CNBD1: variants seen among roughly 807,000 people sequenced by gnomAD.
CNBD1 encodes cyclic nucleotide-binding domain-containing protein 1.
Under a neutral mutation model 54.4 loss-of-function variants are expected in CNBD1, and 71 were observed. That is an observed-to-expected ratio of 1.30 (90% confidence interval 1.08 to 1.59). The LOEUF is 1.59. Among genes scored for constraint, CNBD1 ranks in the 40% most tolerant of loss-of-function variants. The pLI, the probability that CNBD1 is intolerant of heterozygous loss-of-function variation, is 0.00. For missense variants in CNBD1, 659 were observed against 518.0 expected (o/e 1.27, Z -2.64); for synonymous variants, 182 against 170.7 (o/e 1.07, Z -0.51).
intron 8 of CNBD1, among the ~76,000 whole-genome samples, chr8:87,336,763 G>C (rs184985886): frequency 1.3e-5 from 2 of 152,278 alleles, no homozygotes; most frequent in East Asian, 1.9e-4. Context: ...TGATCATTTA[G>C]AGAAGAGCCA....
chr8:87,185,671 A>G (rs964174173), intron 4 of CNBD1, among the ~76,000 whole-genome samples: 6 of 152,164 alleles, frequency 3.9e-5, no homozygotes, highest in African/African-American at 1.2e-4. Flanking sequence ...AGCTCCAGAT[A>G]TTGTTCCCTC....
chr8:87,360,627 T>A (rs1289845456), intron 10 of CNBD1, among the ~76,000 whole-genome samples: 2 of 151,982 alleles, frequency 1.3e-5, no homozygotes, highest in Non-Finnish European at 2.9e-5. Flanking sequence ...CATTCCACCA[T>A]TAGAACAAGT....
intron 4 of CNBD1, among the ~76,000 whole-genome samples, chr8:87,193,413 G>T (rs957260773): frequency 2.6e-5 from 4 of 152,098 alleles, no homozygotes; most frequent in Non-Finnish European, 5.9e-5. Flanking sequence ...ACTCATAATT[G>T]CCAGACAGAA....
intron 6 of CNBD1, among the ~76,000 whole-genome samples, chr8:87,248,801 C>A (rs545660906): frequency 2.6e-5 from 4 of 152,148 alleles, no homozygotes; most frequent in Non-Finnish European, 5.9e-5. Flanking sequence ...GGTTTTTACT[C>A]ATTTTGGCTA....
In CNBD1 at chr8:87,166,483, C is replaced by T. The variant is rs151068251; in HGVS notation, c.432-39510C>T. Among the ~76,000 whole-genome samples the T allele has an allele frequency of 1.3e-5, 2 of 152,048 alleles. No homozygotes were observed. Among genetic ancestry groups the T allele is most frequent in the South Asian group, 2.1e-4 (1 of 4,824 alleles). ...AAACACAAACTGATTTCATTTGTTG[C>T]CCCATTAATCTGTTTATTGACTTAG... On this transcript the variant is annotated intron_variant, in intron 4 of 10. Transcript: ENST00000518476. The surrounding 1 kb of genome is among the most constrained non-coding windows in gnomAD (Gnocchi z 4.3).
At chr8:87,370,665 C>T (rs1053505960) in intron 10 of CNBD1, among the ~76,000 whole-genome samples, 13 of 151,492 alleles carry the variant, frequency 8.6e-5, no homozygotes, top group Middle Eastern at 3.4e-3. Flanking sequence ...AATTTTCTCC[C>T]ATTTTGTAGG....
chr8:87,172,888 A>C (rs1222958598), intron 4 of CNBD1, among the ~76,000 whole-genome samples: 3 of 152,110 alleles, frequency 2.0e-5, no homozygotes, highest in African/African-American at 7.2e-5. Context: ...ATTATTGATA[A>C]CTAAGGATCT....
intron 10 of CNBD1, among the ~76,000 whole-genome samples, chr8:87,373,865 T>G (rs1053580044): frequency 6.6e-6 from 1 of 151,510 alleles, no homozygotes; most frequent in South Asian, 2.1e-4. Context: ...AGTCTATGCC[T>G]GTACAAATGT....
intron 4 of CNBD1, among the ~76,000 whole-genome samples, chr8:87,016,408 T>A (rs1301623124): frequency 6.6e-6 from 1 of 151,392 alleles, no homozygotes; most frequent in Non-Finnish European, 1.5e-5. Context: ...AAGAAACTGT[T>A]TAAAACTTGC....
intron 2 of CNBD1, among the ~76,000 whole-genome samples, chr8:87,405,846 C>A (rs551486321): frequency 9.1e-4 from 139 of 152,146 alleles, no homozygotes; most frequent in African/African-American, 3.3e-3. Flanking sequence ...CTACTGTGAG[C>A]CACATAAGAA....
chr8:86,940,687 A>T (rs1325571752), intron 4 of CNBD1, among the ~76,000 whole-genome samples: 1 of 152,144 alleles, frequency 6.6e-6, no homozygotes, highest in East Asian at 1.9e-4. Context: ...CTGAAAAAAT[A>T]GGAAATTCAA....
At chr8:87,020,253 C>T (rs1809456452) in intron 4 of CNBD1, among the ~76,000 whole-genome samples, 1 of 151,950 alleles carries the variant, frequency 6.6e-6, no homozygotes, top group African/African-American at 2.4e-5. Flanking sequence ...GGCCTGACTC[C>T]ATCTCACCCC....
At chr8:87,228,484 G>T (rs1308631986) in intron 5 of CNBD1, among the ~76,000 whole-genome samples, 4 of 149,090 alleles carry the variant, frequency 2.7e-5, no homozygotes, top group Non-Finnish European at 5.9e-5. Context: ...CTGCAGGTCT[G>T]TTGGAGTACC....
intron 2 of CNBD1, among the ~76,000 whole-genome samples, chr8:87,395,505 T>C (rs1811392738): frequency 6.6e-6 from 1 of 151,918 alleles, no homozygotes; most frequent in Admixed American, 6.6e-5. Context: ...TTTTAAAAAG[T>C]AGTTCTGAGT....
intron 2 of CNBD1, among the ~76,000 whole-genome samples, chr8:87,404,396 G>A (rs762951295): frequency 2.0e-5 from 3 of 152,026 alleles, no homozygotes; most frequent in Admixed American, 1.3e-4. Flanking sequence ...CACTTAAGTG[G>A]CAATATCCTG....
downstream of CNBD1, among the ~76,000 whole-genome samples, chr8:87,383,078 A>G (rs1196895119): frequency 6.6e-6 from 1 of 152,054 alleles, no homozygotes; most frequent in Non-Finnish European, 1.5e-5. Context: ...AAAGGCAAAA[A>G]GACATTGAAT....
At chr8:87,269,260 A>G (rs917160641) in intron 6 of CNBD1, among the ~76,000 whole-genome samples, 1 of 151,864 alleles carries the variant, frequency 6.6e-6, no homozygotes, top group African/African-American at 2.4e-5. Flanking sequence ...TGCATTTTCT[A>G]TCCTGTTCCA....
intron 8 of CNBD1, among the ~76,000 whole-genome samples, chr8:87,328,415 TA>T (rs1809739871): frequency 6.6e-6 from 1 of 152,074 alleles, no homozygotes; most frequent in African/African-American, 2.4e-5. Flanking sequence ...AAATTATGTT[TA>T]ATTTTTTTCA....
intron 4 of CNBD1, among the ~76,000 whole-genome samples, chr8:87,028,765 G>A (rs918591016): frequency 4.6e-5 from 7 of 152,180 alleles, no homozygotes; most frequent in African/African-American, 1.7e-4. Context: ...CCTAAGTGTT[G>A]TTTCCTAAGG....
Sources: allele counts gnomAD v4.1 joint callset (sites outside exome capture counted in the v4.1 genomes callset), GRCh38; gene constraint gnomAD v4.1.1; non-coding constraint Gnocchi (gnomAD v3.1); transcripts MANE v1.5; gene names NCBI Gene and HGNC (gene_info 2026-07-23, HGNC 2026-07-21).